Variants in PADI3 observed in about 807,000 individuals in gnomAD.
PADI3 encodes the protein peptidyl arginine deiminase 3.
PADI3 carries 53 observed loss-of-function variants against 71.5 expected under a neutral mutation model. The observed-to-expected ratio is 0.74, with a 90% CI of 0.59 to 0.93. The LOEUF is 0.93. PADI3 is among the 40% of genes least tolerant of loss of function. The pLI, the probability that PADI3 is intolerant of heterozygous loss-of-function variation, is 0.00. For missense variants in PADI3, 821 were observed against 868.0 expected (o/e 0.95, Z 0.68); for synonymous variants, 361 against 347.5 (o/e 1.04, Z -0.43).
chr1:17,271,268 G>C, intron 9 of PADI3, 90 bp downstream of exon 9: 2 of 1,092,036 alleles, frequency 1.8e-6, no homozygotes, highest in East Asian at 2.5e-5. Flanking sequence ...CATCCAGGAG[G>C]ACCTGGGTGC....
chr1:17,274,219 G>A (rs1309091578), intron 10 of PADI3, among the ~76,000 whole-genome samples: 1 of 137,722 alleles, frequency 7.3e-6, no homozygotes, highest in Non-Finnish European at 1.5e-5. Context: ...AGAGTTCAAA[G>A]ACAGAGGCCC....
Position 17,262,193 on chromosome 1 carries a change from C to G in PADI3, c.334C>G (p.Leu112Val), listed in dbSNP as rs1216654108. Residue 112 changes from leucine (L) to valine (V), a missense_variant, in exon 3 of 16, where the codon CTC becomes GTC. Coordinates refer to ENST00000375460, the MANE Select transcript of PADI3 (RefSeq NM_016233.2). ...GCCCCTGGCCTATGCGGTGCTCTAC[C>G]TCACCTGTGTTGGTAAGTTGGGGGC... Reference protein sequence around the residue: ...PLPLAYAVLYLTCVDISLDCD... With the variant: ...PLPLAYAVLYVTCVDISLDCD... 11 of 1,609,734 alleles carry G rather than the reference C, an allele frequency of 6.8e-6. No homozygotes were observed. Among genetic ancestry groups the G allele is most frequent in the African/African-American group, 1.3e-5 (1 of 74,626 alleles).
intron 4 of PADI3, among the ~76,000 whole-genome samples, chr1:17,266,266 G>C (rs1477346216): frequency 6.6e-6 from 1 of 152,188 alleles, no homozygotes; most frequent in Non-Finnish European, 1.5e-5. Context: ...TTGGAACTTG[G>C]TGCCCTGGGA....
At position 17,274,774 on chromosome 1, in the gene PADI3, G is replaced by C; in HGVS notation, c.1295G>C (p.Gly432Ala). The C allele has an allele frequency of 6.2e-7, 1 of 1,613,626 alleles. No homozygotes were observed. Among genetic ancestry groups the C allele is most frequent in the South Asian group, 1.1e-5 (1 of 91,014 alleles). The change falls in exon 11 of 16, where the codon GGC becomes GCC. Residue 432 changes from glycine (G) to alanine (A), a missense_variant. Physicochemically the swap from Gly to Ala is moderately conservative, Grantham distance 60. Coordinates refer to ENST00000375460, the MANE Select transcript of PADI3 (RefSeq NM_016233.2). ...CCCCTGGGGAGGATCCTCATTGGGGGCAACCTGCCTGGGTGAGAGAGAGAC... is the reference window on the plus strand; with the variant it reads ...CCCCTGGGGAGGATCCTCATTGGGGCCAACCTGCCTGGGTGAGAGAGAGAC... The part of the protein sequence containing the change: ...EYPLGRILIG[G>A]NLPGSSGRRV...
At chr1:17,262,245 A>G in intron 3 of PADI3, 40 bp downstream of exon 3, 2 of 1,473,476 alleles carry the variant, frequency 1.4e-6, no homozygotes, top group Non-Finnish European at 9.3e-7. Flanking sequence ...CCAAGGGCAC[A>G]TTTGAAAAAT....
intron 1 of PADI3, among the ~76,000 whole-genome samples, chr1:17,249,747 C>G (rs2072942506): frequency 6.6e-6 from 1 of 152,210 alleles, no homozygotes. Flanking sequence ...GAATTTAACC[C>G]TTACAACAAC....
chr1:17,281,585 T>C (rs1249664725), intron 15 of PADI3, among the ~76,000 whole-genome samples: 1 of 150,922 alleles, frequency 6.6e-6, no homozygotes, highest in Non-Finnish European at 1.5e-5. Flanking sequence ...GCTGGGATTG[T>C]GGGATTGCAG....
chr1:17,278,403 A>ATT (rs554815581), intron 13 of PADI3, among the ~76,000 whole-genome samples: 3 of 151,868 alleles, frequency 2.0e-5, no homozygotes, highest in African/African-American at 7.3e-5. Context: ...AATTTTTTGT[A>ATT]TTTTTTGTAG....
intron 15 of PADI3, 92 bp downstream of exon 15, chr1:17,280,888 G>C: frequency 6.7e-7 from 1 of 1,499,858 alleles, no homozygotes; most frequent in Non-Finnish European, 9.1e-7. Context: ...TCATATTTAG[G>C]ATTGTGGTGG....
intron 9 of PADI3, among the ~76,000 whole-genome samples, chr1:17,271,854 AAG>A (rs1338360878): frequency 0.012 from 1,523 of 132,266 alleles, 353 homozygotes; most frequent in Middle Eastern, 0.04. Context: ...AAAAAAAAAA[AAG>A]AGAGAGAGAG....
chr1:17,270,444 C>T lies in PADI3; in HGVS notation c.831+33C>T, dbSNP rs150911438. On this transcript the variant is annotated intron_variant, in intron 7 of 15. Transcript: ENST00000375460. ...CAGAGGGGGTTCAAGAGGAGCTCCA[C>T]TCGGGACCAGCCTGGGCAACATGGT... is the stretch of plus-strand genomic sequence containing the variant. The T allele has an allele frequency of 2.4e-4, 382 of 1,583,472 alleles. 3 individuals carry two copies. In the East Asian group the frequency reaches 5.5e-3, roughly 23 times the overall value.
At chr1:17,259,484 GC>G in intron 1 of PADI3, 93 bp from the exon 2 acceptor site, 1 of 1,240,678 alleles carries the variant, frequency 8.1e-7, no homozygotes, top group Non-Finnish European at 1.1e-6. Context: ...GCCAAGGAAA[GC>G]TTCCTGGAGG....
rs913073815 is a variant in PADI3, at chr1:17,283,704, A to G, written c.*625A>G. Reference sequence around the variant, plus strand: ...AGTAGGAGCTTCTAGATGCATGTGGAAGCAATGAGAGTTGTCCCTTAGCCT... The same window carrying G: ...AGTAGGAGCTTCTAGATGCATGTGGGAGCAATGAGAGTTGTCCCTTAGCCT... On this transcript the variant is annotated 3_prime_UTR_variant, in exon 16 of 16. Transcript: ENST00000375460. 3 of 152,412 alleles carry G rather than the reference A, an allele frequency of 2.0e-5. No individual in the cohort carries two copies. Among genetic ancestry groups the G allele is most frequent in the Non-Finnish European group, 4.4e-5 (3 of 68,212 alleles). 9.4% of individuals were successfully genotyped at this position (152,412 alleles called of 1,614,324 possible).
At chr1:17,265,901 G>T (rs181643688) in intron 4 of PADI3, among the ~76,000 whole-genome samples, 181 bp downstream of exon 4, 1 of 152,164 alleles carries the variant, frequency 6.6e-6, no homozygotes, top group African/African-American at 2.4e-5. Flanking sequence ...AAAAATCATC[G>T]CCAGGAATTA....
At chr1:17,278,006 A>G (rs957242924) in intron 13 of PADI3, 4 of 154,046 alleles carry the variant, frequency 2.6e-5, no homozygotes, top group African/African-American at 7.2e-5. Flanking sequence ...ATGCCCAAGC[A>G]CAGCCCCCTG....
chr1:17,254,717 A>ATTTTT (rs1247695105), intron 1 of PADI3, among the ~76,000 whole-genome samples: 9,262 of 128,216 alleles, frequency 0.072, 401 homozygotes, highest in South Asian at 0.17. Flanking sequence ...AGGCTCCAGC[A>ATTTTT]TTTTTTTTTT....
chr1:17,249,297 G>A (rs2072937742), intron 1 of PADI3, 68 bp downstream of exon 1: 1 of 1,272,662 alleles, frequency 7.9e-7, no homozygotes, highest in Non-Finnish European at 1.2e-6. Context: ...CCTCCCTGCA[G>A]GCTGGGCAGG....
chr1:17,267,688 T>C, intron 5 of PADI3, 149 bp from the exon 6 acceptor site: 1 of 811,354 alleles, frequency 1.2e-6, no homozygotes, highest in Non-Finnish European at 1.9e-6. Flanking sequence ...TCATGGTTTG[T>C]TCTTGATGGC....
Position 17,270,943 on chromosome 1 carries a change from C to A in PADI3, c.896C>A (p.Thr299Lys). ...VVFRVAPWIM[T>K]PSTLPPLEVY... is the part of the protein sequence containing the mutation. Reference sequence around the variant, plus strand: ...TTCCGAGTGGCACCCTGGATCATGACGCCCAGCACTCTGCCACCCCTAGAG... The same window carrying A: ...TTCCGAGTGGCACCCTGGATCATGAAGCCCAGCACTCTGCCACCCCTAGAG... The change falls in exon 8 of 16, where the codon ACG becomes AAG. Residue 299 changes from threonine to lysine, a missense_variant. Physicochemically the swap from Thr to Lys is moderately conservative, Grantham distance 78. Coordinates refer to ENST00000375460, the MANE Select transcript of PADI3 (RefSeq NM_016233.2). 1 of 1,614,156 alleles carries A rather than the reference C, an allele frequency of 6.2e-7. No individual in the cohort carries two copies.
Sources: gnomAD v4.1 joint callset for allele counts (sites outside exome capture counted in the v4.1 genomes callset) on GRCh38, gnomAD v4.1.1 for gene constraint, MANE v1.5 for transcripts, NCBI Gene and HGNC (gene_info 2026-07-23, HGNC 2026-07-21) for gene names.